Variants in HIVEP3 observed in about 807,000 individuals in gnomAD.
The protein encoded by HIVEP3 is HIVEP zinc finger 3.
In HIVEP3, 49 loss-of-function variants were observed where a neutral mutation model predicts 152.8. The ratio of observed to expected loss-of-function variants is 0.32; its 90% CI spans 0.26 to 0.41. The LOEUF is 0.41. HIVEP3 is among the 10% of genes least tolerant of loss of function. The pLI, the probability that HIVEP3 is intolerant of heterozygous loss-of-function variation, is 1.00. For missense variants in HIVEP3, 2,790 were observed against 3,103.3 expected, an observed-to-expected ratio of 0.90 and a Z score of 2.40; for synonymous variants, 1,269 against 1,289.0, an observed-to-expected ratio of 0.98 and a Z score of 0.33.
chr1:41,593,674 A>T (rs1328585716), intron 3 of HIVEP3, among the ~76,000 whole-genome samples: 1 of 152,266 alleles, frequency 6.6e-6, no homozygotes, highest in Non-Finnish European at 1.5e-5. Flanking sequence ...CTGGAATATA[A>T]ACTGTCTCTT....
rs552780379 is a variant in HIVEP3, at chr1:41,670,397, T to C, written c.-721+30519A>G. 2.0e-5 allele frequency among the ~76,000 whole-genome samples: 3 copies of C among 152,270 alleles called. 1 individual carries two copies. The highest frequency in any genetic ancestry group is 6.5e-5 in the Admixed American group (1 of 15,302). Reference sequence around the variant, plus strand: ...CCCATGTTTAGCAAAAACAGGATGCTGCCCTGAGCCCAGGTGCCTCCATCC... The same window carrying C: ...CCCATGTTTAGCAAAAACAGGATGCCGCCCTGAGCCCAGGTGCCTCCATCC... On this transcript the variant is annotated intron_variant, in intron 2 of 8. Transcript: ENST00000372583.
At chr1:41,732,013 A>G (rs1646846652) in intron 1 of HIVEP3, among the ~76,000 whole-genome samples, 1 of 152,192 alleles carries the variant, frequency 6.6e-6, no homozygotes, top group South Asian at 2.1e-4. Context: ...TCTGGGGCCT[A>G]TGGGGGATGG....
At chr1:41,678,596 C>A (rs1645992518) in intron 2 of HIVEP3, among the ~76,000 whole-genome samples, 1 of 152,016 alleles carries the variant, frequency 6.6e-6, no homozygotes. Flanking sequence ...CAGGCACTAT[C>A]CAGTCTGAGC....
chr1:41,596,382 T>C (rs975795918), intron 3 of HIVEP3, among the ~76,000 whole-genome samples: 1 of 152,072 alleles, frequency 6.6e-6, no homozygotes, highest in African/African-American at 2.4e-5. Flanking sequence ...CTAGAGTCCA[T>C]AGATAGCCTG....
chr1:41,938,500 A>G (rs557867751), intron 1 of HIVEP3, among the ~76,000 whole-genome samples: 1 of 152,358 alleles, frequency 6.6e-6, no homozygotes, highest in African/African-American at 2.4e-5. Context: ...AAGATAATTC[A>G]GTGTAACCAA....
At chr1:41,861,420 C>A (rs1557458080) in intron 1 of HIVEP3, among the ~76,000 whole-genome samples, 2 of 152,196 alleles carry the variant, frequency 1.3e-5, no homozygotes, top group East Asian at 3.8e-4. Context: ...AATCAAGGCA[C>A]AAAGAATCCA....
At chr1:41,610,266 GCC>G (rs755578598) in intron 3 of HIVEP3, among the ~76,000 whole-genome samples, 10 of 152,096 alleles carry the variant, frequency 6.6e-5, no homozygotes, top group Admixed American at 2.0e-4. Flanking sequence ...GCTTTCTATG[GCC>G]CCCTTACACT....
At chr1:41,743,572 C>T (rs1219523708) in intron 1 of HIVEP3, among the ~76,000 whole-genome samples, 1 of 152,206 alleles carries the variant, frequency 6.6e-6, no homozygotes, top group Non-Finnish European at 1.5e-5. Flanking sequence ...GGAACAGCTG[C>T]CCCTTTCTGA....
Position 41,581,514 on chromosome 1 carries a change from T to C in HIVEP3, c.3284A>G (p.His1095Arg), listed in dbSNP as rs1569992979. ...GCCCTTGCCTCCCGGGGGTCCACCA[T>C]GTGAGGTGGCCGCAGAGGAAATCTG... Reference protein sequence around the residue: ...LSQISSAATSHGGPPGGKGPG... With the variant: ...LSQISSAATSRGGPPGGKGPG... Residue 1095 changes from histidine to arginine, a missense_variant, in exon 4 of 9, where the codon CAT becomes CGT. Transcript: ENST00000372583. This position sits in a 1 kb window ranked among gnomAD's most constrained non-coding sequence, Gnocchi z 4.5. 13 of 1,585,210 alleles carry C rather than the reference T, an allele frequency of 8.2e-6. No homozygotes were observed. Among genetic ancestry groups the C allele is most frequent in the African/African-American group, 5.4e-5 (4 of 74,218 alleles).
At position 41,867,769 on chromosome 1, in the gene HIVEP3, G is replaced by A. The variant is rs780889301; in HGVS notation, c.-801+50644C>T. ...GCCTAACTTGGGTTCTTCCTCCCAC[G>A]CCTCCTGTGTAGGTTCAGGGCAGGG... On this transcript the variant is annotated intron_variant, in intron 1 of 8. Transcript: ENST00000372583. 5.9e-5 allele frequency among the ~76,000 whole-genome samples: 9 copies of A among 152,172 alleles called. No individual in the cohort carries two copies. In the South Asian group the frequency reaches 6.2e-4, roughly 11 times the overall value.
At chr1:41,852,823 A>C (rs1421999830) in intron 1 of HIVEP3, among the ~76,000 whole-genome samples, 1 of 152,242 alleles carries the variant, frequency 6.6e-6, no homozygotes, top group Admixed American at 6.5e-5. Flanking sequence ...TGCAAACAGT[A>C]ATTTCTTATC....
intron 5 of HIVEP3, among the ~76,000 whole-genome samples, chr1:41,570,435 T>G (rs1299861516): frequency 6.6e-6 from 1 of 152,202 alleles, no homozygotes; most frequent in Non-Finnish European, 1.5e-5. Flanking sequence ...GATGGTTTCA[T>G]AAGCGTTTGG....
At chr1:41,849,890 C>A (rs1320576138) in intron 1 of HIVEP3, among the ~76,000 whole-genome samples, 1 of 152,066 alleles carries the variant, frequency 6.6e-6, no homozygotes, top group Non-Finnish European at 1.5e-5. Context: ...GGGGTTTCAC[C>A]ATGTTGGCCA....
At chr1:41,788,752 A>G (rs148369138) in intron 1 of HIVEP3, among the ~76,000 whole-genome samples, 15 of 152,370 alleles carry the variant, frequency 9.8e-5, no homozygotes, top group African/African-American at 3.6e-4. Context: ...TGAATGCTTA[A>G]TGGAATAAGG....
intron 5 of HIVEP3, among the ~76,000 whole-genome samples, chr1:41,545,377 C>CCACCACCACCACCACCA (rs1643740348): frequency 1.3e-4 from 1 of 7,862 alleles, no homozygotes; most frequent in East Asian, 5.2e-3. Flanking sequence ...ACCACCACCA[C>CCACCACCACCACCACCA]TACCACCACC....
intron 1 of HIVEP3, among the ~76,000 whole-genome samples, chr1:41,752,551 T>C (rs1160828631): frequency 1.3e-5 from 2 of 152,138 alleles, no homozygotes; most frequent in African/African-American, 4.8e-5. Flanking sequence ...GCAGACAAAA[T>C]ACATCCAACA....
chr1:41,969,544 T>C (rs900189333), intron 1 of HIVEP3, among the ~76,000 whole-genome samples: 3 of 152,086 alleles, frequency 2.0e-5, no homozygotes, highest in Admixed American at 2.0e-4. Flanking sequence ...TTATACCTTA[T>C]ACAAAAATTA....
At chr1:41,940,113 T>C (rs572980624) in intron 1 of HIVEP3, among the ~76,000 whole-genome samples, 4 of 152,328 alleles carry the variant, frequency 2.6e-5, no homozygotes, top group African/African-American at 9.6e-5. Flanking sequence ...GTTTTATTCT[T>C]AACAGCATTT....
intron 2 of HIVEP3, among the ~76,000 whole-genome samples, chr1:41,697,098 G>C (rs1558188264): frequency 1.3e-5 from 2 of 152,194 alleles, no homozygotes; most frequent in Non-Finnish European, 2.9e-5. Context: ...AAGCAGAGAG[G>C]CAGATTTTCA....
Sources: allele counts gnomAD v4.1 joint callset (sites outside exome capture counted in the v4.1 genomes callset), GRCh38; gene constraint gnomAD v4.1.1; non-coding constraint Gnocchi (gnomAD v3.1); transcripts MANE v1.5; gene names NCBI Gene and HGNC (gene_info 2026-07-23, HGNC 2026-07-21).